The following RCAN2 variants were observed in gnomAD, a reference collection of about 807,000 sequenced individuals.
RCAN2 encodes the protein regulator of calcineurin 2, also known as calcipressin-2.
In RCAN2, 9 loss-of-function variants were observed where a neutral mutation model predicts 23.6. That is an observed-to-expected ratio of 0.38 (90% CI 0.23 to 0.67). The LOEUF is 0.67. RCAN2 is among the 30% of genes least tolerant of loss of function. The pLI, the probability that RCAN2 is intolerant of heterozygous loss-of-function variation, is 0.51. For missense variants in RCAN2, 273 were observed against 302.3 expected, an observed-to-expected ratio of 0.90 and a Z score of 0.72; for synonymous variants, 109 against 115.7, an observed-to-expected ratio of 0.94 and a Z score of 0.37.
chr6:46,439,075 G>C (rs149789175), intron 2 of RCAN2, among the ~76,000 whole-genome samples: 1 of 152,160 alleles, frequency 6.6e-6, no homozygotes, highest in East Asian at 1.9e-4. Flanking sequence ...CAGCCTTTAG[G>C]TTTCAAAAGA....
intron 2 of RCAN2, among the ~76,000 whole-genome samples, chr6:46,292,487 T>C (rs1358903320): frequency 4.6e-5 from 7 of 151,090 alleles, no homozygotes; most frequent in Non-Finnish European, 2.9e-5. Context: ...GCAAAATTTT[T>C]CCAATTTCCC....
intron 2 of RCAN2, among the ~76,000 whole-genome samples, chr6:46,355,772 TG>T (rs903431238): frequency 2.6e-5 from 4 of 152,162 alleles, no homozygotes; most frequent in Admixed American, 2.0e-4. Context: ...AACAAAAACT[TG>T]TGACTCAGAT....
In RCAN2 at chr6:46,420,869, C is replaced by G. The variant is rs569281619; in HGVS notation, c.225+35883G>C. Among the ~76,000 whole-genome samples the G allele has an allele frequency of 2.6e-5, 4 of 152,150 alleles. No homozygotes were observed. In the South Asian group the frequency reaches 6.2e-4, roughly 24 times the overall value. On this transcript the variant is annotated intron_variant, in intron 2 of 4. Transcript: ENST00000371374. ...GCCTGATCAACTATTTTTAACTGGG[C>G]ACATAAAGATGCACAGACACTAGGC...
At chr6:46,233,790 C>T (rs982017323) in intron 4 of RCAN2, among the ~76,000 whole-genome samples, 4 of 149,824 alleles carry the variant, frequency 2.7e-5, no homozygotes, top group East Asian at 2.0e-4. Context: ...TGCAATGGCA[C>T]GATCTTGGCT....
chr6:46,402,330 C>T (rs1582172626), intron 2 of RCAN2, among the ~76,000 whole-genome samples: 2 of 151,856 alleles, frequency 1.3e-5, no homozygotes, highest in Non-Finnish European at 1.5e-5. Flanking sequence ...AAAATGATAC[C>T]CCGAAGGGAA....
chr6:46,415,890 G>C lies in RCAN2; in HGVS notation c.225+40862C>G, dbSNP rs138868719. On this transcript the variant is annotated intron_variant, in intron 2 of 4. Coordinates refer to ENST00000371374, the MANE Select transcript of RCAN2 (RefSeq NM_001251974.2). ...CTAAAATCCATGGATACTTGAGTCT[G>C]TGATATAAAATGATGTAATATTTGC... Among the ~76,000 whole-genome samples, 966 of 152,232 alleles carry C rather than the reference G, an allele frequency of 6.3e-3. 12 individuals are homozygous for C. Among genetic ancestry groups the C allele is most frequent in the African/African-American group, 0.023 (938 of 41,534 alleles).
chr6:46,295,085 G>T (rs1321396952), intron 2 of RCAN2, among the ~76,000 whole-genome samples: 1 of 152,026 alleles, frequency 6.6e-6, no homozygotes, highest in Non-Finnish European at 1.5e-5. Context: ...CTTGCTAAAG[G>T]GGCACAGGAG....
chr6:46,298,683 T>A (rs1287764004), intron 2 of RCAN2, among the ~76,000 whole-genome samples: 1 of 152,106 alleles, frequency 6.6e-6, no homozygotes, highest in East Asian at 1.9e-4. Context: ...GTTCAGCCCC[T>A]GTGGAAAGCA....
chr6:46,454,647 C>G (rs1767969257), intron 2 of RCAN2, among the ~76,000 whole-genome samples: 1 of 152,146 alleles, frequency 6.6e-6, no homozygotes, highest in Non-Finnish European at 1.5e-5. Flanking sequence ...AAATGGTGAT[C>G]TAAATCATTT....
At chr6:46,490,777 G>GC (rs112369417) in intron 1 of RCAN2, among the ~76,000 whole-genome samples, 122,019 of 151,404 alleles carry the variant, frequency 0.81, 49,259 homozygotes, top group South Asian at 0.91. Context: ...GTCTCTTCTA[G>GC]ACCCTCTCTA....
chr6:46,226,638 A>G (rs1013110370), intron 4 of RCAN2, among the ~76,000 whole-genome samples: 3 of 152,198 alleles, frequency 2.0e-5, no homozygotes, highest in Non-Finnish European at 2.9e-5. Context: ...TTGATTTTGT[A>G]TCCTGAGACT....
At chr6:46,461,395 G>A (rs200042542) in intron 1 of RCAN2, among the ~76,000 whole-genome samples, 1 of 152,016 alleles carries the variant, frequency 6.6e-6, no homozygotes, top group Non-Finnish European at 1.5e-5. Context: ...ATCACCTTAT[G>A]CATGTGGAAA....
At chr6:46,410,652 C>A (rs556133410) in intron 2 of RCAN2, among the ~76,000 whole-genome samples, 2 of 152,182 alleles carry the variant, frequency 1.3e-5, no homozygotes, top group Non-Finnish European at 2.9e-5. Context: ...AATGTCTATT[C>A]TAGGCGAGGT....
intron 2 of RCAN2, among the ~76,000 whole-genome samples, chr6:46,356,247 A>G (rs977507479): frequency 3.3e-5 from 5 of 152,192 alleles, no homozygotes; most frequent in African/African-American, 4.8e-5. Context: ...GACACATATC[A>G]AAGGCCAGGG....
At chr6:46,263,547 G>GTA (rs1767212062) in intron 2 of RCAN2, among the ~76,000 whole-genome samples, 1 of 119,166 alleles carries the variant, frequency 8.4e-6, no homozygotes, top group African/African-American at 3.1e-5. Context: ...GTATGTGTGT[G>GTA]TGTGTGTGTG....
chr6:46,366,251 C>T (rs1765167310), intron 2 of RCAN2, among the ~76,000 whole-genome samples: 2 of 152,210 alleles, frequency 1.3e-5, no homozygotes, highest in African/African-American at 2.4e-5. Flanking sequence ...ATAAATCCCA[C>T]TTTCATGTAC....
At chr6:46,225,352 T>C (rs1477070609) in intron 4 of RCAN2, among the ~76,000 whole-genome samples, 4 of 152,198 alleles carry the variant, frequency 2.6e-5, no homozygotes, top group South Asian at 2.1e-4. Context: ...CTTGAGGAAT[T>C]GCCACACTGT....
rs112645620 is a variant in RCAN2, at chr6:46,292,820, A to G, written c.226-43924T>C. On this transcript the variant is annotated intron_variant, in intron 2 of 4. Coordinates refer to ENST00000371374, the MANE Select transcript of RCAN2 (RefSeq NM_001251974.2). ...CATGTGCCATGGTGGTTTGCTGCAC[A>G]CATCAACCCGTCATCTACATTAGGT... Among the ~76,000 whole-genome samples, 600 of 152,124 alleles carry G rather than the reference A, an allele frequency of 3.9e-3. 4 individuals are homozygous for G. Among genetic ancestry groups the G allele is most frequent in the African/African-American group, 0.014 (583 of 41,488 alleles).
intron 4 of RCAN2, among the ~76,000 whole-genome samples, chr6:46,246,367 T>G (rs1766513000): frequency 6.6e-6 from 1 of 152,170 alleles, no homozygotes. Flanking sequence ...GCAATAAAAC[T>G]GGGTTGCACA....
Sources: allele counts gnomAD v4.1 joint callset (sites outside exome capture counted in the v4.1 genomes callset), GRCh38; gene constraint gnomAD v4.1.1; transcripts MANE v1.5; gene names NCBI Gene and HGNC (gene_info 2026-07-23, HGNC 2026-07-21).